The following TGM3 variants were observed in gnomAD, a reference collection of about 807,000 sequenced individuals.
The protein encoded by TGM3 is transglutaminase 3.
TGM3 carries 52 observed loss-of-function variants against 73.8 expected under a neutral mutation model. The observed-to-expected ratio is 0.70, with a 90% CI of 0.56 to 0.89. The LOEUF is 0.89. TGM3 is among the 40% of genes least tolerant of loss of function. TGM3 has a pLI of 0.00. For synonymous variants in TGM3, 372 were observed against 354.9 expected (o/e 1.05, Z -0.54); for missense variants, 928 against 909.9 (o/e 1.02, Z -0.26).
At position 2,317,507 on chromosome 20, in the gene TGM3, TG is replaced by T. The variant is rs376191636; in HGVS notation, c.983+23del. 1.1e-4 allele frequency: 172 copies of T among 1,613,196 alleles called. 4 individuals are homozygous for T. In the East Asian group the frequency reaches 1.7e-3, roughly 16 times the overall value. On this transcript the variant is annotated intron_variant, in intron 7 of 12. Transcript: ENST00000381458. The stretch of plus-strand genomic sequence containing the variant: ...TATGGTAAGTATCTCACCTTTTCCC[TG>T]AACTTCGAGCACCACATTTGAGTGG...
Position 2,331,375 on chromosome 20 carries a change from A to G in TGM3, c.1334-627A>G, listed in dbSNP as rs938257091. Reference sequence around the variant, plus strand: ...AGCCTGAGTCAGAGTCAGAAAACCCATCTTTTTATCCAGTCTTTGCAGTTT... The same window carrying G: ...AGCCTGAGTCAGAGTCAGAAAACCCGTCTTTTTATCCAGTCTTTGCAGTTT... On this transcript the variant is annotated intron_variant, in intron 9 of 12. Transcript: ENST00000381458. Among the ~76,000 whole-genome samples, 14 of 152,270 alleles carry G rather than the reference A, an allele frequency of 9.2e-5. 1 individual carries two copies. Among genetic ancestry groups the G allele is most frequent in the Admixed American group, 7.2e-4 (11 of 15,294 alleles).
chr20:2,317,418 A>G lies in TGM3; in HGVS notation c.916A>G (p.Asn306Asp), dbSNP rs1445941951. The change falls in exon 7 of 13, where the codon AAT (asparagine) becomes GAT (aspartate). Residue 306 changes from asparagine (N) to aspartate (D), a missense_variant. Transcript: ENST00000381458. ...NFNSAHDTDR[N>D]LSVDVYYDPM... is the part of the protein sequence containing the mutation. ...CAACTCAGCTCATGACACAGACCGA[A>G]ATCTCAGTGTGGATGTGTACTACGA... The G allele has an allele frequency of 6.2e-7, 1 of 1,614,162 alleles. No individual in the cohort carries two copies. The highest frequency in any genetic ancestry group is 8.5e-7 in the Non-Finnish European group (1 of 1,180,006).
At chr20:2,325,766 TGTTGGGGCAAA>T in intron 7 of TGM3, 72 bp from the exon 8 acceptor site, 1 of 974,958 alleles carries the variant, frequency 1.0e-6, no homozygotes. Flanking sequence ...CATGCTGCAC[TGTTGGGGCAAA>T]GATGTGCTGT....
chr20:2,319,796 C>G (rs2084253613), intron 7 of TGM3, among the ~76,000 whole-genome samples: 2 of 152,224 alleles, frequency 1.3e-5, no homozygotes, highest in Non-Finnish European at 2.9e-5. Context: ...GGGGAGCCAG[C>G]CCTGGAGGGC....
At chr20:2,338,430 A>C (rs1345079368) in intron 11 of TGM3, among the ~76,000 whole-genome samples, 1 of 152,248 alleles carries the variant, frequency 6.6e-6, no homozygotes, top group Non-Finnish European at 1.5e-5. Context: ...GCTTTCTTAT[A>C]ACCCAATAGC....
intron 11 of TGM3, among the ~76,000 whole-genome samples, chr20:2,338,344 G>A (rs756588104): frequency 1.3e-5 from 2 of 151,078 alleles, no homozygotes; most frequent in Non-Finnish European, 2.9e-5. Context: ...AGTGGTAAGC[G>A]GCATTAAAAA....
chr20:2,297,533 T>C (rs1228372877), intron 1 of TGM3, among the ~76,000 whole-genome samples: 1 of 152,192 alleles, frequency 6.6e-6, no homozygotes, highest in Non-Finnish European at 1.5e-5. Flanking sequence ...GTGCAGGACC[T>C]CCCGTGGACT....
intron 1 of TGM3, among the ~76,000 whole-genome samples, chr20:2,307,390 C>G (rs993921787): frequency 6.6e-6 from 1 of 152,180 alleles, no homozygotes; most frequent in Non-Finnish European, 1.5e-5. Flanking sequence ...CTCTTCTCCA[C>G]GCAGCGCCCC....
chr20:2,326,899 A>G (rs1469460811), intron 8 of TGM3, among the ~76,000 whole-genome samples: 1 of 152,182 alleles, frequency 6.6e-6, no homozygotes, highest in Non-Finnish European at 1.5e-5. Flanking sequence ...GTTGAAAAAA[A>G]TTCAAACTAT....
At position 2,334,675 on chromosome 20, in the gene TGM3, T is replaced by TG. The variant is rs2084338663; in HGVS notation, c.1643-440dup. On this transcript the variant is annotated intron_variant, in intron 10 of 12. Coordinates refer to ENST00000381458, the MANE Select transcript of TGM3 (RefSeq NM_003245.4). This position sits in a 1 kb window ranked among gnomAD's most constrained non-coding sequence, Gnocchi z 4.0. Reference sequence around the variant, plus strand: ...GAAGGACACTTGTGGCTGGGAGCAGTGCTCACGCCTGTAATCCCAACACTT... The same window carrying TG: ...GAAGGACACTTGTGGCTGGGAGCAGTGGCTCACGCCTGTAATCCCAACACTT... Among the ~76,000 whole-genome samples, 1 of 152,154 alleles carries TG rather than the reference T, an allele frequency of 6.6e-6. No homozygotes were observed. Among genetic ancestry groups the TG allele is most frequent in the South Asian group, 2.1e-4 (1 of 4,824 alleles).
At chr20:2,297,023 C>G (rs1476247347) in intron 1 of TGM3, among the ~76,000 whole-genome samples, 1 of 152,178 alleles carries the variant, frequency 6.6e-6, no homozygotes, top group Admixed American at 6.5e-5. Flanking sequence ...GCACATTAGG[C>G]CCCCTCCCCT....
Position 2,332,371 on chromosome 20 carries a change from G to C in TGM3, c.1642+61G>C. ...CCGAGGTAGCCAATGGCCTTCTGGG[G>C]CTGCAGGGTGTCTGCTGGGCTCCAG... is the stretch of plus-strand genomic sequence containing the variant. On this transcript the variant is annotated intron_variant, in intron 10 of 12. Transcript: ENST00000381458. The surrounding 1 kb of genome is among the most constrained non-coding windows in gnomAD (Gnocchi z 4.4). 2.7e-6 allele frequency: 4 copies of C among 1,467,258 alleles called. No individual in the cohort carries two copies. The highest frequency in any genetic ancestry group is 3.6e-6 in the Non-Finnish European group (4 of 1,103,866). 90.9% of individuals were successfully genotyped at this position (1,467,258 alleles called of 1,614,324 possible). A position where few individuals can be genotyped will look rare whatever the true frequency, so the allele number is the denominator to read the frequency against.
chr20:2,335,499 C>T (rs937024657), intron 11 of TGM3, among the ~76,000 whole-genome samples: 5 of 152,222 alleles, frequency 3.3e-5, no homozygotes, highest in Admixed American at 6.5e-5. Context: ...GAGATAAACG[C>T]GTGCATTTGC....
At chr20:2,335,306 T>C in intron 11 of TGM3, 33 bp downstream of exon 11, 2 of 1,611,746 alleles carry the variant, frequency 1.2e-6, no homozygotes, top group Non-Finnish European at 1.7e-6. Context: ...GGGAAGGGGT[T>C]CTGCCCCCAG....
intron 7 of TGM3, among the ~76,000 whole-genome samples, chr20:2,318,624 C>G (rs2084247895): frequency 6.6e-6 from 1 of 152,140 alleles, no homozygotes; most frequent in Non-Finnish European, 1.5e-5. Flanking sequence ...ACCCATCTAT[C>G]TATTGTTTTA....
chr20:2,317,922 C>CATATATATATATATATATCAT (rs1568627288), intron 7 of TGM3, among the ~76,000 whole-genome samples: 1 of 143,062 alleles, frequency 7.0e-6, no homozygotes, highest in African/African-American at 2.6e-5. Flanking sequence ...CTTCTCTTAG[C>CATATATATATATATATATCAT]ATATATATAT....
intron 12 of TGM3, 46 bp downstream of exon 12, chr20:2,340,033 C>CGGGGGGGGGGGGG: frequency 2.0e-5 from 4 of 196,588 alleles, no homozygotes; most frequent in South Asian, 4.4e-5. Flanking sequence ...CGGGAGGGGG[C>CGGGGGGGGGGGGG]GGGGGGGCCC....
At position 2,331,916 on chromosome 20, in the gene TGM3, T is replaced by G. The variant is rs45606631; in HGVS notation, c.1334-86T>G. The G allele has an allele frequency of 5.0e-4, 742 of 1,485,276 alleles. 3 individuals carry two copies. In the East Asian group the frequency reaches 0.014, roughly 29 times the overall value. 92.0% of individuals were successfully genotyped at this position (1,485,276 alleles called of 1,614,324 possible). A position where few individuals can be genotyped will look rare whatever the true frequency, so the allele number is the denominator to read the frequency against. On this transcript the variant is annotated intron_variant, in intron 9 of 12. Coordinates refer to ENST00000381458, the MANE Select transcript of TGM3 (RefSeq NM_003245.4). ...GCAGCAATGGAGCCAGCACCAGTCCTAGGCCGCCTGTCCAGGCAGGGTACT... is the reference window on the plus strand; with the variant it reads ...GCAGCAATGGAGCCAGCACCAGTCCGAGGCCGCCTGTCCAGGCAGGGTACT...
rs2084377923 is a variant in TGM3 at position 2,340,764 on chromosome 20, C to T, written c.*183C>T. 5 of 788,956 alleles carry T rather than the reference C, an allele frequency of 6.3e-6. No individual in the cohort carries two copies. The South Asian group carries it at 7.4e-5, about 12-fold the overall frequency. The allele number at this position is 788,956 out of a possible 1,614,324, so 48.9% of individuals were successfully genotyped here. On this transcript the variant is annotated 3_prime_UTR_variant, in exon 13 of 13. Coordinates refer to ENST00000381458, the MANE Select transcript of TGM3 (RefSeq NM_003245.4). ...CCTCTCCCCCAGGTTGGGGCTGGGT[C>T]CACCCTGTCCTATGACTTGATCACT...
Sources: allele counts gnomAD v4.1 joint callset (sites outside exome capture counted in the v4.1 genomes callset), GRCh38; gene constraint gnomAD v4.1.1; non-coding constraint Gnocchi (gnomAD v3.1); transcripts MANE v1.5; gene names NCBI Gene and HGNC (gene_info 2026-07-23, HGNC 2026-07-21).